The following RBM33 variants were observed in gnomAD, a reference collection of about 807,000 sequenced individuals.
The protein encoded by RBM33 is RNA-binding protein 33.
A neutral mutation model predicts 132.6 loss-of-function variants in RBM33; 28 were observed. The observed-to-expected ratio is 0.21, with a 90% CI of 0.16 to 0.29. The LOEUF (loss-of-function observed/expected upper bound fraction) is 0.29, where lower values mean the gene tolerates loss of function less well. Among genes scored for constraint, RBM33 ranks in the 10% least tolerant of loss-of-function variants. The pLI is 1.00. For missense variants in RBM33, 1,291 were observed against 1,518.5 expected (o/e 0.85, Z 2.49); for synonymous variants, 634 against 593.0 (o/e 1.07, Z -1.01).
At chr7:155,718,059 A>G (rs891498456) in intron 8 of RBM33, among the ~76,000 whole-genome samples, 8 of 152,182 alleles carry the variant, frequency 5.3e-5, no homozygotes, top group African/African-American at 1.9e-4. Flanking sequence ...GATTATCTGT[A>G]TAGGGATAGG....
rs1284405801 is a variant in RBM33 at position 155,678,768 on chromosome 7, T to C, written c.248+84T>C. 4 of 720,994 alleles carry C rather than the reference T, an allele frequency of 5.5e-6. No homozygotes were observed. In the African/African-American group the frequency reaches 7.2e-5, roughly 13 times the overall value. 44.7% of individuals were successfully genotyped at this position (720,994 alleles called of 1,614,324 possible). A position where few individuals can be genotyped will look rare whatever the true frequency, so the allele number is the denominator to read the frequency against. On this transcript the variant is annotated intron_variant, in intron 4 of 17. Transcript: ENST00000401878. Reference sequence around the variant, plus strand: ...TATTTATAATTATAATGGAATGTAATTGAATAATGTAGCCTTATATCTTTA... The same window carrying C: ...TATTTATAATTATAATGGAATGTAACTGAATAATGTAGCCTTATATCTTTA...
At chr7:155,715,020 T>C (rs966447900) in intron 8 of RBM33, among the ~76,000 whole-genome samples, 2 of 152,156 alleles carry the variant, frequency 1.3e-5, no homozygotes, top group African/African-American at 4.8e-5. Context: ...AATTAACTCC[T>C]AACCCCTCCT....
intron 9 of RBM33, among the ~76,000 whole-genome samples, chr7:155,734,145 C>G (rs578053240): frequency 6.6e-6 from 1 of 152,232 alleles, no homozygotes; most frequent in African/African-American, 2.4e-5. Context: ...ATCGACAGAC[C>G]CACTCTTTGT....
intron 14 of RBM33, among the ~76,000 whole-genome samples, chr7:155,748,928 ATTG>A (rs1554484629): frequency 2.6e-5 from 4 of 152,034 alleles, no homozygotes; most frequent in African/African-American, 7.2e-5. Flanking sequence ...TTCAAGGGCT[ATTG>A]TTGGCATTGC....
rs941043314 is a variant in RBM33, at chr7:155,745,771, G to C, written c.2979+169G>C. On this transcript the variant is annotated intron_variant, in intron 14 of 17. Transcript: ENST00000401878. This position sits in a 1 kb window ranked among gnomAD's most constrained non-coding sequence, Gnocchi z 4.1. ...TATAAGAATTGCCGCTTGACGACAG[G>C]CATACATTCTCAGAAATGTGTTGTT... 1.1e-5 allele frequency: 7 copies of C among 660,868 alleles called. No homozygotes were observed. In the African/African-American group the frequency reaches 1.3e-4, roughly 12 times the overall value. The allele number at this position is 660,868 out of a possible 1,614,324, so 40.9% of individuals were successfully genotyped here.
rs557480080 is a variant in RBM33, at chr7:155,775,407, C to T, written c.*366C>T. 1 of 386,082 alleles carries T rather than the reference C, an allele frequency of 2.6e-6. No individual in the cohort carries two copies. The highest frequency in any genetic ancestry group is 5.5e-5 in the East Asian group (1 of 18,072). The allele number at this position is 386,082 out of a possible 1,614,324, so 23.9% of individuals were successfully genotyped here. A position where few individuals can be genotyped will look rare whatever the true frequency, so the allele number is the denominator to read the frequency against. The stretch of plus-strand genomic sequence containing the variant: ...GGAAAGAACATTAACGTCACAAGTT[C>T]TAAGTAGTTTTCACAGCAAAGAATA... On this transcript the variant is annotated 3_prime_UTR_variant, in exon 18 of 18. Coordinates refer to ENST00000401878, the MANE Select transcript of RBM33 (RefSeq NM_053043.3).
At chr7:155,752,292 G>A (rs766307257) in intron 14 of RBM33, among the ~76,000 whole-genome samples, 3 of 152,062 alleles carry the variant, frequency 2.0e-5, no homozygotes, top group Non-Finnish European at 2.9e-5. Flanking sequence ...TTCTGGGCCC[G>A]CTCAGCACAT....
intron 1 of RBM33, among the ~76,000 whole-genome samples, chr7:155,646,311 T>G (rs905749223): frequency 6.6e-6 from 1 of 152,240 alleles, no homozygotes; most frequent in African/African-American, 2.4e-5. Context: ...TATCACTGAA[T>G]GTAATCCAGA....
At chr7:155,693,996 T>C (rs1350363381) in intron 5 of RBM33, among the ~76,000 whole-genome samples, 1 of 152,166 alleles carries the variant, frequency 6.6e-6, no homozygotes, top group Non-Finnish European at 1.5e-5. Context: ...TTCCTAAATA[T>C]CTGCATTGTT....
chr7:155,775,949 T>G lies in RBM33; in HGVS notation c.*908T>G, dbSNP rs1802592969. 2 of 152,276 alleles carry G rather than the reference T, an allele frequency of 1.3e-5. No individual in the cohort carries two copies. The highest frequency in any genetic ancestry group is 4.8e-5 in the African/African-American group (2 of 41,470). The allele number at this position is 152,276 out of a possible 1,614,324, so 9.4% of individuals were successfully genotyped here. On this transcript the variant is annotated 3_prime_UTR_variant, in exon 18 of 18. Transcript: ENST00000401878. Reference sequence around the variant, plus strand: ...TCTTTGGGAATTTGGTGGCCACTGCTTCAGTCACCTCTGTTTTTCTGAAGG... The same window carrying G: ...TCTTTGGGAATTTGGTGGCCACTGCGTCAGTCACCTCTGTTTTTCTGAAGG...
intron 5 of RBM33, chr7:155,685,030 A>T (rs777793044): frequency 1.9e-6 from 3 of 1,550,234 alleles, no homozygotes; most frequent in South Asian, 2.4e-5. Context: ...ACTGATGCCC[A>T]GGTTGCTCCT....
At chr7:155,750,986 G>A (rs1249637986) in intron 14 of RBM33, among the ~76,000 whole-genome samples, 1 of 152,132 alleles carries the variant, frequency 6.6e-6, no homozygotes, top group Non-Finnish European at 1.5e-5. Flanking sequence ...GCTGCATGCC[G>A]AAGGTCCCAG....
intron 2 of RBM33, among the ~76,000 whole-genome samples, chr7:155,666,776 A>G (rs562580172): frequency 2.0e-5 from 3 of 152,184 alleles, no homozygotes; most frequent in East Asian, 3.9e-4. Context: ...CTTACTGGAA[A>G]TTTATTTTTA....
At position 155,700,951 on chromosome 7, in the gene RBM33, T is replaced by C; in HGVS notation, c.739+7T>C. ...AACATTCCAGAAACTTTGGGTAACTTTTTTGCCTGTCTCCCATCCTCCTTT... is the reference window on the plus strand; with the variant it reads ...AACATTCCAGAAACTTTGGGTAACTCTTTTGCCTGTCTCCCATCCTCCTTT... On this transcript the variant is annotated splice_region_variant and intron_variant, in intron 6 of 17. Transcript: ENST00000401878. 6.2e-7 allele frequency: 1 copy of C among 1,605,602 alleles called. No homozygotes were observed.
At chr7:155,649,920 G>A (rs1449430228) in intron 1 of RBM33, among the ~76,000 whole-genome samples, 1 of 152,232 alleles carries the variant, frequency 6.6e-6, no homozygotes, top group Non-Finnish European at 1.5e-5. Flanking sequence ...AGATCAGCCA[G>A]AGGTATAAAT....
chr7:155,684,300 A>C (rs1470846174), intron 5 of RBM33, among the ~76,000 whole-genome samples: 1 of 152,198 alleles, frequency 6.6e-6, no homozygotes, highest in Non-Finnish European at 1.5e-5. Context: ...GTAGGATCAG[A>C]CGTTGTCACT....
At chr7:155,691,204 T>C (rs144433035) in intron 5 of RBM33, among the ~76,000 whole-genome samples, 1 of 152,228 alleles carries the variant, frequency 6.6e-6, no homozygotes, top group South Asian at 2.1e-4. Flanking sequence ...TCTTCTGGCT[T>C]CATTTCATTC....
chr7:155,680,725 T>G lies in RBM33; in HGVS notation c.384T>G (p.Val128=). 6.2e-7 allele frequency: 1 copy of G among 1,613,424 alleles called. No individual in the cohort carries two copies. Among genetic ancestry groups the G allele is most frequent in the Non-Finnish European group, 8.5e-7 (1 of 1,179,658 alleles). ...AAGAACAAGGAGAGGATGAACTGGT[T>G]TATCACAAATCTGATGGATCAGAAT... ...YEQEQGEDEL[V]YHKSDGSELY... The change falls in exon 5 of 18, where the codon GTT becomes GTG. Residue 128 remains valine (V), a synonymous_variant. Coordinates refer to ENST00000401878, the MANE Select transcript of RBM33 (RefSeq NM_053043.3).
At chr7:155,718,503 T>G in intron 9 of RBM33, 60 bp downstream of exon 9, 1 of 1,394,916 alleles carries the variant, frequency 7.2e-7, no homozygotes, top group Non-Finnish European at 1.0e-6. Flanking sequence ...CTAAGAAATA[T>G]TAATATAGCA....
Sources: gnomAD v4.1 joint callset for allele counts (sites outside exome capture counted in the v4.1 genomes callset) on GRCh38, gnomAD v4.1.1 for gene constraint, Gnocchi (gnomAD v3.1) non-coding constraint, MANE v1.5 for transcripts, NCBI Gene and HGNC (gene_info 2026-07-23, HGNC 2026-07-21) for gene names.